NME4: variants seen among roughly 807,000 people sequenced by gnomAD.
NME4 encodes NME/NM23 nucleoside diphosphate kinase 4, also known as nucleoside diphosphate kinase D, mitochondrial.
In NME4, 21 loss-of-function variants were observed where a neutral mutation model predicts 16.4. The observed-to-expected ratio is 1.28, with a 90% CI of 0.91 to 1.84. The LOEUF (loss-of-function observed/expected upper bound fraction) is 1.84. Ranked by LOEUF, NME4 falls within the 40% of genes most tolerant of loss-of-function variation. The pLI is 0.00. For synonymous variants in NME4, 132 were observed against 107.5 expected, an observed-to-expected ratio of 1.23 and a Z score of -1.41; for missense variants, 316 against 261.3, an observed-to-expected ratio of 1.21 and a Z score of -1.44.
intron 1 of NME4, chr16:398,030 T>C (rs1335100913): frequency 6.5e-7 from 1 of 1,535,326 alleles, no homozygotes; most frequent in Non-Finnish European, 8.8e-7. Flanking sequence ...TTCAGCCGCC[T>C]GCTGGGGTTA....
At chr16:399,290 G>T in intron 2 of NME4, 89 bp from the exon 3 acceptor site, 1 of 1,441,876 alleles carries the variant, frequency 6.9e-7, no homozygotes. Context: ...GGTGTTATCT[G>T]CAAGGTGCCT....
intron 1 of NME4, chr16:398,186 A>G (rs1487750621): frequency 5.3e-6 from 8 of 1,500,310 alleles, no homozygotes; most frequent in Non-Finnish European, 7.2e-6. Context: ...GAAGGTGAGG[A>G]CGTCTTCTGT....
chr16:398,781 C>G (rs1049172226), intron 1 of NME4: 18 of 656,874 alleles, frequency 2.7e-5, no homozygotes, highest in Non-Finnish European at 4.6e-5. Context: ...GGCTAGAAGC[C>G]CTGGGGACAC....
chr16:397,898 GA>G, intron 1 of NME4: 2 of 1,553,954 alleles, frequency 1.3e-6, no homozygotes, highest in Non-Finnish European at 8.7e-7. Context: ...CATCGGCTCT[GA>G]AAAGTGAGCC....
chr16:400,176 G>C (rs780290430), intron 4 of NME4, 43 bp from the exon 5 acceptor site: 7 of 1,611,966 alleles, frequency 4.3e-6, no homozygotes, highest in Non-Finnish European at 5.9e-6. Context: ...TCCTCAGGGT[G>C]CACATGAAGC....
chr16:399,154 T>TA, intron 2 of NME4, 31 bp downstream of exon 2: 1 of 1,598,536 alleles, frequency 6.3e-7, no homozygotes, highest in South Asian at 1.1e-5. Flanking sequence ...TGGGTGTCCC[T>TA]GTGGGGATGG....
chr16:398,716 G>C (rs1409137112), intron 1 of NME4: 1 of 537,578 alleles, frequency 1.9e-6, no homozygotes, highest in East Asian at 3.3e-5. Flanking sequence ...CTGAACCTCG[G>C]GGCGATCTCA....
chr16:397,808 G>T (rs556450538), intron 1 of NME4: 2 of 1,525,996 alleles, frequency 1.3e-6, no homozygotes, highest in Non-Finnish European at 1.8e-6. Flanking sequence ...GGGACGTCAG[G>T]CCCCAAGTCC....
intron 1 of NME4, chr16:398,767 G>C: frequency 1.6e-6 from 1 of 622,618 alleles, no homozygotes; most frequent in South Asian, 2.0e-5. Context: ...TGGCCCCTGG[G>C]AGAGGCTAGA....
At chr16:398,503 C>CCTTCTGG in intron 1 of NME4, 2 of 862,010 alleles carry the variant, frequency 2.3e-6, no homozygotes, top group Non-Finnish European at 3.1e-6. Flanking sequence ...TGTCGTCATC[C>CCTTCTGG]AGAAGGGATG....
At chr16:398,350 A>G in intron 1 of NME4, 1 of 1,286,516 alleles carries the variant, frequency 7.8e-7, no homozygotes, top group South Asian at 1.2e-5. Context: ...TTCAATCTTC[A>G]GGCCCCTTTT....
chr16:400,237 C>T lies in NME4; in HGVS notation c.459C>T (p.Ser153=), dbSNP rs776412880. The T allele has an allele frequency of 5.1e-5, 82 of 1,604,534 alleles. No homozygotes were observed. The highest frequency in any genetic ancestry group is 1.3e-4 in the South Asian group (12 of 90,784). The change falls in exon 5 of 5, where the codon AGC becomes AGT. Residue 153 remains serine, a synonymous_variant. Transcript: ENST00000219479. ...GGCACAGGAATGTCATCCACGCCAG[C>T]GACTCCGTGGAGGGGGCCCAGCGGG... is the stretch of plus-strand genomic sequence containing the variant. ...VHISRNVIHA[S]DSVEGAQREI...
chr16:397,374 G>A, intron 1 of NME4, 61 bp downstream of exon 1: 1 of 658,748 alleles, frequency 1.5e-6, no homozygotes, highest in South Asian at 6.9e-5. Context: ...CGCGCCGCTC[G>A]GCCTTTGTGC....
At chr16:399,581 C>T (rs2054615454) in intron 3 of NME4, 46 bp from the exon 4 acceptor site, 2 of 1,596,548 alleles carry the variant, frequency 1.3e-6, no homozygotes, top group African/African-American at 1.3e-5. Context: ...AGCCCAGGGG[C>T]CCTTGGTGTT....
At chr16:398,692 T>C (rs2054598733) in intron 1 of NME4, 3 of 493,742 alleles carry the variant, frequency 6.1e-6, no homozygotes, top group Admixed American at 7.2e-5. Flanking sequence ...GTCCCTGAGC[T>C]GGGCAGTGCC....
intron 1 of NME4, among the ~76,000 whole-genome samples, 172 bp downstream of exon 1, chr16:397,485 C>G (rs1290525664): frequency 2.2e-5 from 3 of 138,512 alleles, no homozygotes; most frequent in African/African-American, 8.0e-5. Context: ...CCCGCACGCC[C>G]CTCCAGTGCC....
rs530462372 is a variant in NME4, at chr16:399,076, C to T, written c.178C>T (p.Arg60Cys). The T allele has an allele frequency of 6.9e-6, 11 of 1,603,768 alleles. No homozygotes were observed. Among genetic ancestry groups the T allele is most frequent in the East Asian group, 6.7e-5 (3 of 44,866 alleles). Residue 60 changes from arginine to cysteine, a missense_variant, in exon 2 of 5, where the codon CGC (arginine) becomes TGC (cysteine). By Grantham distance (180) the Arg-to-Cys change is radical. Coordinates refer to ENST00000219479, the MANE Select transcript of NME4 (RefSeq NM_005009.3). ...GCGGCTCGTTGGGGACGTGATCCAGCGCTTTGAGAGGCGGGGCTTCACGCT... is the reference window on the plus strand; with the variant it reads ...GCGGCTCGTTGGGGACGTGATCCAGTGCTTTGAGAGGCGGGGCTTCACGCT... ...QRRLVGDVIQ[R>C]FERRGFTLVG...
intron 1 of NME4, chr16:398,188 G>A (rs1212766580): frequency 1.2e-5 from 18 of 1,498,024 alleles, no homozygotes; most frequent in African/African-American, 7.0e-5. Flanking sequence ...AGGTGAGGAC[G>A]TCTTCTGTTT....
At position 397,273 on chromosome 16, in the gene NME4, G is replaced by GCGGGCCC. The variant is rs1310053002; in HGVS notation, c.59_65dup (p.Ser23GlyfsTer42). The stretch of plus-strand genomic sequence containing the variant: ...CGCTGCGGGGGCTGCGCTGCGGCCC[G>GCGGGCCC]CGGGCCCCGGGCCCGAGCCTGCTAG... On this transcript the variant is annotated frameshift_variant, in exon 1 of 5. Coordinates refer to ENST00000219479, the MANE Select transcript of NME4 (RefSeq NM_005009.3). LOFTEE classifies it high-confidence loss of function. The GCGGGCCC allele has an allele frequency of 1.4e-5, 15 of 1,054,634 alleles. No homozygotes were observed. The highest frequency in any genetic ancestry group is 7.0e-5 in the East Asian group (1 of 14,324). The allele number at this position is 1,054,634 out of a possible 1,614,324, so 65.3% of individuals were successfully genotyped here. A position where few individuals can be genotyped will look rare whatever the true frequency, so the allele number is the denominator to read the frequency against.
Sources: allele counts gnomAD v4.1 joint callset (sites outside exome capture counted in the v4.1 genomes callset), GRCh38; gene constraint gnomAD v4.1.1; transcripts MANE v1.5; gene names NCBI Gene and HGNC (gene_info 2026-07-23, HGNC 2026-07-21).